The following LRRC7 variants were observed in gnomAD, a reference collection of about 807,000 sequenced individuals.
LRRC7 encodes leucine rich repeat containing 7.
LRRC7 carries 23 observed loss-of-function variants against 175.7 expected under a neutral mutation model. The ratio of observed to expected loss-of-function variants is 0.13; its 90% CI spans 0.09 to 0.19. The LOEUF (loss-of-function observed/expected upper bound fraction) is 0.19, where lower values mean the gene tolerates loss of function less well. Ranked by LOEUF, LRRC7 falls within the 10% of genes least tolerant of loss-of-function variation. The pLI, the probability that LRRC7 is intolerant of heterozygous loss-of-function variation, is 1.00. For missense variants in LRRC7, 1,354 were observed against 1,904.7 expected (o/e 0.71, Z 5.38); for synonymous variants, 685 against 680.9 (o/e 1.01, Z -0.09).
intron 1 of LRRC7, among the ~76,000 whole-genome samples, chr1:69,649,965 A>T (rs779407220): frequency 6.6e-6 from 1 of 152,150 alleles, no homozygotes; most frequent in Non-Finnish European, 1.5e-5. Flanking sequence ...TACTTTATGG[A>T]TGATGACAGG....
At chr1:70,010,261 G>A (rs1032137817) in intron 11 of LRRC7, among the ~76,000 whole-genome samples, 8 of 152,090 alleles carry the variant, frequency 5.3e-5, no homozygotes, top group Non-Finnish European at 1.0e-4. Context: ...AAGCTAACTA[G>A]TTTTAACATA....
At position 69,882,199 on chromosome 1, in the gene LRRC7, G is replaced by A. The variant is rs937779832; in HGVS notation, c.647+43916G>A. ...GTTATCACAGTATACCAGTTAGGAT[G>A]GGTATTATCAAGAAGACTAGAGATA... On this transcript the variant is annotated intron_variant, in intron 7 of 26. Coordinates refer to ENST00000651989, the MANE Select transcript of LRRC7 (RefSeq NM_001370785.2). Among the ~76,000 whole-genome samples the A allele has an allele frequency of 2.0e-5, 3 of 152,070 alleles. No individual in the cohort carries two copies. In the South Asian group the frequency reaches 6.2e-4, roughly 31 times the overall value.
chr1:69,700,549 G>A (rs1663208760), intron 2 of LRRC7, among the ~76,000 whole-genome samples: 1 of 152,146 alleles, frequency 6.6e-6, no homozygotes, highest in African/African-American at 2.4e-5. Flanking sequence ...GGACAGGAAT[G>A]TGAAAGATTT....
rs1663813194 is a variant in LRRC7 at position 70,088,933 on chromosome 1, T to C, written c.4453-794T>C. Reference sequence around the variant, plus strand: ...ACTATAAAACAAAAGTCATGTTTAATAGACTTTCATTCATGATTTGGGATG... The same window carrying C: ...ACTATAAAACAAAAGTCATGTTTAACAGACTTTCATTCATGATTTGGGATG... On this transcript the variant is annotated intron_variant, in intron 24 of 26. Transcript: ENST00000651989. 2.0e-5 allele frequency among the ~76,000 whole-genome samples: 3 copies of C among 152,318 alleles called. No homozygotes were observed. The South Asian group carries it at 6.2e-4, about 32-fold the overall frequency.
intron 16 of LRRC7, 66 bp downstream of exon 16, chr1:70,021,195 T>C: frequency 6.6e-7 from 1 of 1,520,930 alleles, no homozygotes; most frequent in Non-Finnish European, 9.0e-7. Flanking sequence ...TTTTTCTTAT[T>C]CAGATAGATT....
rs55678803 is a variant in LRRC7, at chr1:69,589,115, GGTGTGTGTGTGTGT to G, written c.2+20499_2+20512del. 1.5e-4 allele frequency among the ~76,000 whole-genome samples: 21 copies of G among 142,452 alleles called. No homozygotes were observed. The East Asian group carries it at 1.9e-3, about 13-fold the overall frequency. The allele number at this position is 142,452 out of a possible 152,430, so 93.5% of individuals were successfully genotyped here. On this transcript the variant is annotated intron_variant, in intron 1 of 26. Coordinates refer to ENST00000651989, the MANE Select transcript of LRRC7 (RefSeq NM_001370785.2). The stretch of plus-strand genomic sequence containing the variant: ...TTTTGTGTTACCACTTCATAAAAAG[GGTGTGTGTGTGTGT>G]GTGTGTGTGTGTGTGTGTGTGTGTA...
At chr1:70,111,396 G>A (rs982355712) in intron 26 of LRRC7, among the ~76,000 whole-genome samples, 1 of 152,132 alleles carries the variant, frequency 6.6e-6, no homozygotes, top group African/African-American at 2.4e-5. Flanking sequence ...CTAAGACAGT[G>A]TGGCATATGG....
At chr1:69,991,569 A>G (rs1204415597) in intron 10 of LRRC7, among the ~76,000 whole-genome samples, 1 of 152,158 alleles carries the variant, frequency 6.6e-6, no homozygotes, top group Non-Finnish European at 1.5e-5. Context: ...TATCTGGAAT[A>G]GGAAACTGAG....
chr1:69,693,185 T>C (rs1160084491), intron 2 of LRRC7, among the ~76,000 whole-genome samples: 1 of 152,186 alleles, frequency 6.6e-6, no homozygotes, highest in Non-Finnish European at 1.5e-5. Context: ...ATAAATCTCA[T>C]TGACCCCTTT....
intron 1 of LRRC7, among the ~76,000 whole-genome samples, chr1:69,595,011 CA>C (rs74261247): frequency 4.8e-4 from 69 of 143,374 alleles, no homozygotes; most frequent in East Asian, 2.4e-3. Flanking sequence ...TAAAAATGAT[CA>C]TTTTTTTTTT....
intron 1 of LRRC7, among the ~76,000 whole-genome samples, chr1:69,640,541 C>T (rs1654048106): frequency 1.3e-5 from 2 of 150,998 alleles, no homozygotes; most frequent in Non-Finnish European, 3.0e-5. Context: ...AATACACAAT[C>T]ATTAAACATA....
intron 2 of LRRC7, among the ~76,000 whole-genome samples, chr1:69,720,724 T>C (rs775186376): frequency 1.3e-5 from 2 of 151,950 alleles, no homozygotes; most frequent in South Asian, 2.1e-4. Flanking sequence ...TTACATTCCA[T>C]TGTCTTCTAG....
chr1:69,702,290 C>T (rs1271627438), intron 2 of LRRC7, among the ~76,000 whole-genome samples: 1 of 152,288 alleles, frequency 6.6e-6, no homozygotes, highest in East Asian at 1.9e-4. Context: ...CAAGACAGAA[C>T]ACATCATCAA....
At chr1:70,049,662 T>C (rs1439286505) in intron 22 of LRRC7, among the ~76,000 whole-genome samples, 2 of 152,140 alleles carry the variant, frequency 1.3e-5, no homozygotes, top group Admixed American at 6.6e-5. Flanking sequence ...AATGGAATTC[T>C]GGTTTAAAAA....
At chr1:69,653,474 G>C (rs1199928220) in intron 1 of LRRC7, among the ~76,000 whole-genome samples, 1 of 151,154 alleles carries the variant, frequency 6.6e-6, no homozygotes, top group Non-Finnish European at 1.5e-5. Context: ...TTAAGTGTTA[G>C]CAAGTATGCG....
chr1:69,600,800 C>CTTTTTTTTTTTT lies in LRRC7; in HGVS notation c.2+32176_2+32187dup, dbSNP rs59212223. On this transcript the variant is annotated intron_variant, in intron 1 of 26. Transcript: ENST00000651989. ...CCATTTCTCCAAGGATCTCTGGTTT[C>CTTTTTTTTTTTT]TTTTTTTTTTTTTTTTTTTTTTTTT... 3.7e-3 allele frequency among the ~76,000 whole-genome samples: 238 copies of CTTTTTTTTTTTT among 64,878 alleles called. 77 individuals carry two copies. The highest frequency in any genetic ancestry group is 0.01 in the Middle Eastern group (1 of 96). The allele number at this position is 64,878 out of a possible 152,430, so 42.6% of individuals were successfully genotyped here. A position where few individuals can be genotyped will look rare whatever the true frequency, so the allele number is the denominator to read the frequency against.
chr1:69,570,524 C>A (rs771826480), intron 1 of LRRC7, among the ~76,000 whole-genome samples: 5 of 151,548 alleles, frequency 3.3e-5, no homozygotes, highest in Non-Finnish European at 5.9e-5. Flanking sequence ...CCCCTGCACA[C>A]GTGGGTTCTC....
Position 70,119,645 on chromosome 1 carries a change from C to T in LRRC7, c.4621-2135C>T, listed in dbSNP as rs562239687. ...AATTTGCTAAGTTTTATACCAATTT[C>T]GCCCTTAACACTGATATTTTTAACA... On this transcript the variant is annotated intron_variant, in intron 26 of 26. Coordinates refer to ENST00000651989, the MANE Select transcript of LRRC7 (RefSeq NM_001370785.2). Among the ~76,000 whole-genome samples the T allele has an allele frequency of 2.6e-4, 34 of 132,028 alleles. No individual in the cohort carries two copies. The South Asian group carries it at 5.1e-3, about 20-fold the overall frequency. 86.6% of individuals were successfully genotyped at this position (132,028 alleles called of 152,430 possible).
intron 7 of LRRC7, among the ~76,000 whole-genome samples, chr1:69,843,241 A>G (rs1006837084): frequency 3.3e-5 from 5 of 151,980 alleles, no homozygotes; most frequent in African/African-American, 1.2e-4. Flanking sequence ...ATAGAGCATC[A>G]AAAAGAGGGA....
Sources: allele counts gnomAD v4.1 joint callset (sites outside exome capture counted in the v4.1 genomes callset), GRCh38; gene constraint gnomAD v4.1.1; transcripts MANE v1.5; gene names NCBI Gene and HGNC (gene_info 2026-07-23, HGNC 2026-07-21).